ZNF804B: variants seen among roughly 807,000 people sequenced by gnomAD.
ZNF804B encodes the protein zinc finger protein 804B.
A neutral mutation model predicts 101.4 loss-of-function variants in ZNF804B; 80 were observed. The observed-to-expected ratio is 0.79, with a 90% confidence interval of 0.66 to 0.95. ZNF804B has a LOEUF of 0.95. Among genes scored for constraint, ZNF804B ranks in the 40% least tolerant of loss-of-function variants. The probability of loss-of-function intolerance (pLI) is 0.00; values close to 1 mark genes in which losing one functional copy is unlikely to be tolerated. For synonymous variants in ZNF804B, 622 were observed against 558.8 expected (o/e 1.11, Z -1.59); for missense variants, 1,673 against 1,561.9 (o/e 1.07, Z -1.20).
chr7:89,078,781 A>G (rs1344741650), intron 1 of ZNF804B, among the ~76,000 whole-genome samples: 1 of 151,848 alleles, frequency 6.6e-6, no homozygotes, highest in African/African-American at 2.4e-5. Context: ...GGAATTAGGG[A>G]GTCTGAGAAA....
intron 1 of ZNF804B, among the ~76,000 whole-genome samples, chr7:89,175,134 G>GCTTTGGGGTATTA (rs145999626): frequency 1.3e-5 from 2 of 151,570 alleles, no homozygotes; most frequent in Non-Finnish European, 3.0e-5. Flanking sequence ...GGTTGCCTGT[G>GCTTTGGGGTATTA]CTCAATAAAT....
chr7:88,954,371 C>T (rs987457584), intron 1 of ZNF804B, among the ~76,000 whole-genome samples: 11 of 151,218 alleles, frequency 7.3e-5, no homozygotes, highest in Non-Finnish European at 1.2e-4. Flanking sequence ...TGAGGGTAAC[C>T]GAAAAATAAG....
At chr7:88,925,042 C>G (rs114169815) in intron 1 of ZNF804B, among the ~76,000 whole-genome samples, 1,539 of 152,292 alleles carry the variant, frequency 0.01, 24 homozygotes, top group African/African-American at 0.035. Flanking sequence ...TAGGGCATTT[C>G]CCTTTCCAAA....
intron 2 of ZNF804B, among the ~76,000 whole-genome samples, chr7:89,285,856 C>A (rs1790188952): frequency 6.6e-6 from 1 of 152,106 alleles, no homozygotes; most frequent in Admixed American, 6.5e-5. Context: ...ACAAGAAAAC[C>A]TGGACAAAGC....
At chr7:89,330,143 G>T (rs1358529204) in intron 3 of ZNF804B, among the ~76,000 whole-genome samples, 1 of 151,672 alleles carries the variant, frequency 6.6e-6, no homozygotes, top group East Asian at 1.9e-4. Flanking sequence ...TTCCAAAGAA[G>T]TGAGGGAAAT....
intron 1 of ZNF804B, among the ~76,000 whole-genome samples, chr7:88,762,208 T>C (rs1789908332): frequency 6.6e-6 from 1 of 152,256 alleles, no homozygotes; most frequent in African/African-American, 2.4e-5. Context: ...ATATATGTAC[T>C]TTCTCAACAC....
intron 2 of ZNF804B, among the ~76,000 whole-genome samples, chr7:89,224,817 A>T (rs1049906541): frequency 1.3e-5 from 2 of 151,616 alleles, no homozygotes; most frequent in South Asian, 4.2e-4. Flanking sequence ...TTAGCAGAGA[A>T]GTATAAGACA....
At chr7:88,834,267 G>C (rs1049485436) in intron 1 of ZNF804B, among the ~76,000 whole-genome samples, 1 of 151,754 alleles carries the variant, frequency 6.6e-6, no homozygotes, top group Non-Finnish European at 1.5e-5. Context: ...AAGGAATGTA[G>C]GCTATATTGC....
intron 1 of ZNF804B, among the ~76,000 whole-genome samples, chr7:88,950,579 G>A (rs1485709368): frequency 1.3e-5 from 2 of 151,792 alleles, no homozygotes; most frequent in Non-Finnish European, 2.9e-5. Context: ...TTAAGCCTCT[G>A]TGCTATTTTG....
chr7:88,977,877 C>T (rs1793638596), intron 1 of ZNF804B, among the ~76,000 whole-genome samples: 1 of 151,354 alleles, frequency 6.6e-6, no homozygotes, highest in Non-Finnish European at 1.5e-5. Context: ...TTACTGCAAA[C>T]TTTCCTCCTA....
chr7:89,073,659 G>A (rs1244346934), intron 1 of ZNF804B, among the ~76,000 whole-genome samples: 1 of 151,920 alleles, frequency 6.6e-6, no homozygotes. Context: ...TGGTATTGGT[G>A]TCACTAGATT....
chr7:89,029,034 A>G (rs10228159), intron 1 of ZNF804B, among the ~76,000 whole-genome samples: 33,370 of 152,154 alleles, frequency 0.22, 3,766 homozygotes, highest in East Asian at 0.29. Flanking sequence ...ACATAGAACC[A>G]GCACACATAA....
intron 1 of ZNF804B, among the ~76,000 whole-genome samples, chr7:88,916,984 G>A (rs1332128971): frequency 6.6e-6 from 1 of 152,104 alleles, no homozygotes. Context: ...TTAATATTGG[G>A]CTGGGTGCGG....
intron 1 of ZNF804B, among the ~76,000 whole-genome samples, chr7:89,016,447 C>T (rs1291985399): frequency 1.3e-5 from 2 of 151,548 alleles, no homozygotes; most frequent in East Asian, 1.9e-4. Context: ...CCTAGGTTTT[C>T]TTCTAGGGTT....
intron 1 of ZNF804B, among the ~76,000 whole-genome samples, chr7:88,805,781 T>A (rs889947483): frequency 1.3e-5 from 2 of 152,104 alleles, no homozygotes; most frequent in Non-Finnish European, 1.5e-5. Context: ...GCCTCTCTGG[T>A]CCATGTCTCA....
chr7:88,967,161 T>C (rs921866098), intron 1 of ZNF804B, among the ~76,000 whole-genome samples: 19 of 151,606 alleles, frequency 1.3e-4, no homozygotes, highest in Non-Finnish European at 2.5e-4. Context: ...TATGAAGAAC[T>C]ATCTAAGACT....
chr7:89,008,284 A>C (rs1200756702), intron 1 of ZNF804B, among the ~76,000 whole-genome samples: 1 of 152,092 alleles, frequency 6.6e-6, no homozygotes, highest in Non-Finnish European at 1.5e-5. Flanking sequence ...TACACAAAAA[A>C]CCAAACAGAT....
intron 1 of ZNF804B, among the ~76,000 whole-genome samples, chr7:88,772,694 T>A (rs2519953): frequency 0.48 from 72,346 of 152,010 alleles, 20,787 homozygotes; most frequent in East Asian, 0.79. Flanking sequence ...TCTGATCTTG[T>A]TGAGTGCTGT....
chr7:88,996,877 C>T (rs184859098), intron 1 of ZNF804B, among the ~76,000 whole-genome samples: 84 of 152,116 alleles, frequency 5.5e-4, no homozygotes, highest in African/African-American at 2.0e-3. Context: ...GCCCTACCTA[C>T]CAGGACATTT....
Sources: allele counts gnomAD v4.1 joint callset (sites outside exome capture counted in the v4.1 genomes callset), GRCh38; gene constraint gnomAD v4.1.1; transcripts MANE v1.5; gene names NCBI Gene and HGNC (gene_info 2026-07-23, HGNC 2026-07-21).